Variants in LINGO2 observed in about 807,000 individuals in gnomAD.
LINGO2 encodes leucine-rich repeat and immunoglobulin-like domain-containing nogo receptor-interacting protein 2.
Under a neutral mutation model 30.6 loss-of-function variants are expected in LINGO2, and 14 were observed. The ratio of observed to expected loss-of-function variants is 0.46; its 90% CI spans 0.30 to 0.72. The LOEUF (loss-of-function observed/expected upper bound fraction) is 0.72, where lower values mean the gene tolerates loss of function less well. Among genes scored for constraint, LINGO2 ranks in the 30% least tolerant of loss-of-function variants. The pLI is 0.07. For synonymous variants in LINGO2, 317 were observed against 288.5 expected (o/e 1.10, Z -1.00); for missense variants, 729 against 751.7 (o/e 0.97, Z 0.35).
chr9:29,107,834 A>T, the LINGO2 span, among the ~76,000 whole-genome samples: 1 of 151,990 alleles, frequency 6.6e-6, no homozygotes, highest in African/African-American at 2.4e-5. Context: ...GACTCTTCAA[A>T]TAAGGCAAAT....
At chr9:29,192,281 C>T in the LINGO2 span, among the ~76,000 whole-genome samples, 1 of 152,112 alleles carries the variant, frequency 6.6e-6, no homozygotes, top group East Asian at 1.9e-4. Flanking sequence ...GTTCAAAGCT[C>T]CTAACAACTT....
chr9:28,156,278 G>C (rs1337560204), intron 4 of LINGO2, among the ~76,000 whole-genome samples: 1 of 152,154 alleles, frequency 6.6e-6, no homozygotes, highest in Non-Finnish European at 1.5e-5. Flanking sequence ...AGAAAATGTT[G>C]CTCCTTTCAA....
At chr9:28,740,200 A>C in the LINGO2 span, among the ~76,000 whole-genome samples, 1 of 151,282 alleles carries the variant, frequency 6.6e-6, no homozygotes, top group Admixed American at 6.6e-5. Flanking sequence ...AAAATGCTTC[A>C]TGTGCTCTCC....
the LINGO2 span, among the ~76,000 whole-genome samples, chr9:28,789,861 C>T: frequency 1.8e-4 from 28 of 152,212 alleles, no homozygotes; most frequent in African/African-American, 5.3e-4. Flanking sequence ...TCTACACTTC[C>T]TTTTACTCGC....
intron 2 of LINGO2, 90 bp downstream of exon 4, chr9:28,475,850 T>A (rs1266907996): frequency 2.0e-5 from 3 of 152,590 alleles, no homozygotes; most frequent in Non-Finnish European, 2.9e-5. Flanking sequence ...TTTAGAAGCT[T>A]TCTCATTTTA....
chr9:28,053,655 C>G (rs1369054557), intron 4 of LINGO2, among the ~76,000 whole-genome samples: 1 of 151,938 alleles, frequency 6.6e-6, no homozygotes, highest in Non-Finnish European at 1.5e-5. Flanking sequence ...ATCAAGATCA[C>G]CTGGGGAATT....
chr9:28,040,186 A>G (rs889591349), intron 4 of LINGO2, among the ~76,000 whole-genome samples: 1 of 152,166 alleles, frequency 6.6e-6, no homozygotes, highest in Non-Finnish European at 1.5e-5. Context: ...TTAGCAAAAC[A>G]GATTGATTCA....
At chr9:28,531,595 G>C (rs533786543) in intron 1 of LINGO2, among the ~76,000 whole-genome samples, 1 of 152,006 alleles carries the variant, frequency 6.6e-6, no homozygotes. Context: ...AGTTTTATTT[G>C]ACTCAGTCAA....
chr9:29,036,281 A>G, the LINGO2 span, among the ~76,000 whole-genome samples: 1 of 152,130 alleles, frequency 6.6e-6, no homozygotes, highest in South Asian at 2.1e-4. Flanking sequence ...ATAAGAAATG[A>G]ATGGCTTTTG....
At chr9:28,054,064 CAAAA>C (rs11461978) in intron 4 of LINGO2, among the ~76,000 whole-genome samples, 9 of 149,084 alleles carry the variant, frequency 6.0e-5, no homozygotes, top group African/African-American at 1.5e-4. Flanking sequence ...AGCTAGCAGA[CAAAA>C]AAAAAGAGAA....
the LINGO2 span, among the ~76,000 whole-genome samples, chr9:29,132,871 A>G: frequency 6.7e-6 from 1 of 149,134 alleles, no homozygotes. Context: ...TTATCTAGCA[A>G]CATGTAATCC....
At chr9:28,500,645 A>G (rs1042590327) in intron 1 of LINGO2, among the ~76,000 whole-genome samples, 2 of 152,132 alleles carry the variant, frequency 1.3e-5, no homozygotes, top group Admixed American at 1.3e-4. Flanking sequence ...CAGGAAGAGT[A>G]TACGTCAATG....
At chr9:28,753,537 TAAG>T in the LINGO2 span, among the ~76,000 whole-genome samples, 10 of 151,966 alleles carry the variant, frequency 6.6e-5, no homozygotes, top group African/African-American at 2.2e-4. Flanking sequence ...CTTACAACTC[TAAG>T]AAGAAGCCAT....
chr9:28,546,665 T>C (rs1037642901), intron 1 of LINGO2, among the ~76,000 whole-genome samples: 1 of 152,088 alleles, frequency 6.6e-6, no homozygotes, highest in Admixed American at 6.5e-5. Context: ...GGGAAAGTAG[T>C]TCTGGAATTC....
chr9:28,675,534 A>G, the LINGO2 span, among the ~76,000 whole-genome samples: 2 of 152,122 alleles, frequency 1.3e-5, no homozygotes, highest in Non-Finnish European at 2.9e-5. Flanking sequence ...TTAAACAAAC[A>G]AAAGTTTATA....
At chr9:28,446,054 GA>G (rs1444783084) in intron 2 of LINGO2, among the ~76,000 whole-genome samples, 1 of 152,136 alleles carries the variant, frequency 6.6e-6, no homozygotes, top group Non-Finnish European at 1.5e-5. Context: ...GAACATTATA[GA>G]GAAAATACAT....
chr9:28,456,765 T>C (rs74740131), intron 2 of LINGO2, among the ~76,000 whole-genome samples: 1 of 152,206 alleles, frequency 6.6e-6, no homozygotes, highest in Non-Finnish European at 1.5e-5. Context: ...AAGAAGTTCT[T>C]GTAAAAATAT....
the LINGO2 span, chr9:27,938,249 C>T: frequency 6.6e-6 from 1 of 152,140 alleles, no homozygotes; most frequent in Non-Finnish European, 1.5e-5. Flanking sequence ...ATGGCCAACA[C>T]CATTTTAGAT....
chr9:28,516,403 G>A (rs1279392899), intron 1 of LINGO2, among the ~76,000 whole-genome samples: 2 of 152,174 alleles, frequency 1.3e-5, no homozygotes, highest in Admixed American at 6.5e-5. Context: ...AGAGAGAAGT[G>A]CTACGACTTC....
Sources: allele counts gnomAD v4.1 joint callset (sites outside exome capture counted in the v4.1 genomes callset), GRCh38; gene constraint gnomAD v4.1.1; transcripts MANE v1.5; gene names NCBI Gene and HGNC (gene_info 2026-07-23, HGNC 2026-07-21).